Variants in DPY19L1 observed in about 807,000 individuals in gnomAD.
The protein encoded by DPY19L1 is protein C-mannosyl-transferase DPY19L1.
A neutral mutation model predicts 96.9 loss-of-function variants in DPY19L1; 35 were observed. The observed-to-expected ratio is 0.36, with a 90% CI of 0.28 to 0.48. DPY19L1 has a LOEUF of 0.48. Among genes scored for constraint, DPY19L1 ranks in the 20% least tolerant of loss-of-function variants. DPY19L1 has a pLI of 0.99. For synonymous variants in DPY19L1, 205 were observed against 252.6 expected (o/e 0.81, Z 1.79); for missense variants, 521 against 777.9 (o/e 0.67, Z 3.93).
intron 9 of DPY19L1, among the ~76,000 whole-genome samples, chr7:34,967,711 C>T (rs1649243): frequency 0.046 from 7,060 of 152,164 alleles, 364 homozygotes; most frequent in African/African-American, 0.12. Context: ...AAATTCTTCC[C>T]GTCCTACTAC....
Position 34,966,993 on chromosome 7 carries a change from G to A in DPY19L1, c.1015-22C>T, listed in dbSNP as rs748066301. The A allele has an allele frequency of 8.7e-6, 13 of 1,491,262 alleles. No individual in the cohort carries two copies. In the East Asian group the frequency reaches 2.5e-4, roughly 28 times the overall value. The allele number at this position is 1,491,262 out of a possible 1,614,324, so 92.4% of individuals were successfully genotyped here. ...CAATCTGAAATTTAAAAAGAAATTA[G>A]AAGTAAAAAAGATAAAATGAATAGC... is the stretch of plus-strand genomic sequence containing the variant. On this transcript the variant is annotated intron_variant, in intron 9 of 21. Coordinates refer to ENST00000638088, the MANE Select transcript of DPY19L1 (RefSeq NM_001366673.1).
chr7:34,949,877 T>A lies in DPY19L1; in HGVS notation c.1342A>T (p.Thr448Ser). The change falls in exon 14 of 22, where the codon ACA (threonine) becomes TCA (serine). Residue 448 changes from threonine (T) to serine (S), a missense_variant. Coordinates refer to ENST00000638088, the MANE Select transcript of DPY19L1 (RefSeq NM_001366673.1). ...TCCTTATAACTAAAGAATTTTGATGTTAGTAAGTTGCCAATATGAGCCTGG... is the reference window on the plus strand; with the variant it reads ...TCCTTATAACTAAAGAATTTTGATGATAGTAAGTTGCCAATATGAGCCTGG... Reference protein sequence around the residue: ...ADDAHIGNLLTSKFFSYKDFD... With the variant: ...ADDAHIGNLLSSKFFSYKDFD... 2 of 1,594,616 alleles carry A rather than the reference T, an allele frequency of 1.3e-6. No individual in the cohort carries two copies. Among genetic ancestry groups the A allele is most frequent in the Admixed American group, 1.7e-5 (1 of 57,340 alleles).
At chr7:35,017,464 C>T (rs1287034415) in intron 3 of DPY19L1, among the ~76,000 whole-genome samples, 3 of 132,576 alleles carry the variant, frequency 2.3e-5, no homozygotes, top group East Asian at 2.2e-4. Flanking sequence ...CACTGCAGTC[C>T]GCAGTCCGGC....
At chr7:35,016,471 C>T (rs1455141703) in intron 3 of DPY19L1, among the ~76,000 whole-genome samples, 1 of 151,926 alleles carries the variant, frequency 6.6e-6, no homozygotes, top group African/African-American at 2.4e-5. Context: ...TATGATATAC[C>T]TCAGGGAGAA....
chr7:34,939,082 C>G, intron 20 of DPY19L1, 194 bp downstream of exon 20: 1 of 474,828 alleles, frequency 2.1e-6, no homozygotes, highest in East Asian at 3.4e-5. Flanking sequence ...AAAGTTGTCA[C>G]TTTCCTGCCC....
intron 6 of DPY19L1, among the ~76,000 whole-genome samples, chr7:34,997,073 A>C (rs1469716129): frequency 1.3e-5 from 2 of 152,174 alleles, no homozygotes; most frequent in Non-Finnish European, 2.9e-5. Context: ...TATCTCTTAG[A>C]GGTCAGGCTG....
intron 6 of DPY19L1, among the ~76,000 whole-genome samples, chr7:34,994,896 G>C (rs1562820161): frequency 6.6e-6 from 1 of 152,008 alleles, no homozygotes; most frequent in Admixed American, 6.5e-5. Context: ...ATACAACCTG[G>C]GAGGCTCTGA....
At chr7:34,959,248 G>T (rs1381989899) in intron 10 of DPY19L1, among the ~76,000 whole-genome samples, 1 of 152,178 alleles carries the variant, frequency 6.6e-6, no homozygotes. Flanking sequence ...AAATAGGAAC[G>T]CTTTTACAGT....
At chr7:35,033,247 C>T (rs1333160555) in intron 1 of DPY19L1, among the ~76,000 whole-genome samples, 1 of 152,198 alleles carries the variant, frequency 6.6e-6, no homozygotes, top group African/African-American at 2.4e-5. Context: ...AGGCTACCTC[C>T]CCAGAGACCT....
intron 7 of DPY19L1, chr7:34,988,086 T>G (rs1020140286): frequency 1.3e-5 from 2 of 152,094 alleles, no homozygotes; most frequent in Non-Finnish European, 2.9e-5. Context: ...AATTCCATTG[T>G]TAAAATTTAA....
chr7:34,939,977 C>T (rs1321459725), intron 19 of DPY19L1, among the ~76,000 whole-genome samples, 176 bp downstream of exon 19: 4 of 152,078 alleles, frequency 2.6e-5, no homozygotes, highest in African/African-American at 7.2e-5. Context: ...ATTTCCCCTG[C>T]AAACCATTTA....
intron 13 of DPY19L1, 143 bp downstream of exon 13, chr7:34,954,555 T>C: frequency 4.1e-6 from 2 of 485,852 alleles, no homozygotes; most frequent in Non-Finnish European, 3.6e-6. Flanking sequence ...TTACATTTAC[T>C]TTCTATTATA....
chr7:35,007,599 G>A (rs1201428344), intron 6 of DPY19L1, among the ~76,000 whole-genome samples: 4 of 138,922 alleles, frequency 2.9e-5, no homozygotes, highest in Non-Finnish European at 6.5e-5. Context: ...GTGTGTGTGT[G>A]TGTGTGTGTG....
At chr7:34,964,078 T>C (rs1784561023) in intron 10 of DPY19L1, among the ~76,000 whole-genome samples, 2 of 152,114 alleles carry the variant, frequency 1.3e-5, no homozygotes, top group South Asian at 4.1e-4. Flanking sequence ...ATGCTTAAGG[T>C]GGTAAATTTT....
chr7:35,000,653 C>A (rs1358576322), intron 6 of DPY19L1: 2 of 152,070 alleles, frequency 1.3e-5, no homozygotes, highest in Non-Finnish European at 2.9e-5. Flanking sequence ...ACAATGCATA[C>A]AGAAATATCA....
At chr7:35,010,692 C>T in intron 5 of DPY19L1, 131 bp from the exon 6 acceptor site, 1 of 662,710 alleles carries the variant, frequency 1.5e-6, no homozygotes. Flanking sequence ...CCTTGGTTCC[C>T]ACATGAAAAC....
Position 34,981,641 on chromosome 7 carries a change from C to T in DPY19L1, c.823-8036G>A, listed in dbSNP as rs376989692. 9.2e-5 allele frequency among the ~76,000 whole-genome samples: 14 copies of T among 152,310 alleles called. No homozygotes were observed. In the South Asian group the frequency reaches 2.9e-3, roughly 32 times the overall value. On this transcript the variant is annotated intron_variant, in intron 7 of 21. Coordinates refer to ENST00000638088, the MANE Select transcript of DPY19L1 (RefSeq NM_001366673.1). Reference sequence around the variant, plus strand: ...AGCAAAGGACACAACATCATATGTGCCATATTCTTCATTAAAATGTCTAAT... The same window carrying T: ...AGCAAAGGACACAACATCATATGTGTCATATTCTTCATTAAAATGTCTAAT...
intron 7 of DPY19L1, among the ~76,000 whole-genome samples, chr7:34,976,282 A>C (rs1474379302): frequency 2.0e-5 from 3 of 152,230 alleles, no homozygotes; most frequent in Non-Finnish European, 4.4e-5. Context: ...AGATGGGCTC[A>C]AGACTTCAGT....
In DPY19L1 at chr7:34,933,256, A is replaced by C. The variant is rs564134886; in HGVS notation, c.2091-1527T>G. Reference sequence around the variant, plus strand: ...GTGCACCCACCACCAGAGCAGTGTAAAGTGTACCCAATGTGTAGTCTTTTA... The same window carrying C: ...GTGCACCCACCACCAGAGCAGTGTACAGTGTACCCAATGTGTAGTCTTTTA... On this transcript the variant is annotated intron_variant, in intron 21 of 21. Coordinates refer to ENST00000638088, the MANE Select transcript of DPY19L1 (RefSeq NM_001366673.1). 2.6e-5 allele frequency among the ~76,000 whole-genome samples: 4 copies of C among 152,304 alleles called. No homozygotes were observed. The East Asian group carries it at 7.7e-4, about 29-fold the overall frequency.
Sources: allele counts gnomAD v4.1 joint callset (sites outside exome capture counted in the v4.1 genomes callset), GRCh38; gene constraint gnomAD v4.1.1; transcripts MANE v1.5; gene names NCBI Gene and HGNC (gene_info 2026-07-23, HGNC 2026-07-21).